CDH12: variants seen among roughly 807,000 people sequenced by gnomAD.
CDH12 encodes cadherin 12.
CDH12 carries 41 observed loss-of-function variants against 74.1 expected under a neutral mutation model. The observed-to-expected ratio is 0.55, with a 90% confidence interval of 0.43 to 0.72. The LOEUF is 0.72. Ranked by LOEUF, CDH12 falls within the 30% of genes least tolerant of loss-of-function variation. The pLI is 0.00. For missense variants in CDH12, 945 were observed against 977.2 expected, an observed-to-expected ratio of 0.97 and a Z score of 0.44; for synonymous variants, 399 against 355.0, an observed-to-expected ratio of 1.12 and a Z score of -1.39.
At chr5:22,510,649 G>C (rs1469550487) in intron 1 of CDH12, among the ~76,000 whole-genome samples, 7 of 151,980 alleles carry the variant, frequency 4.6e-5, no homozygotes, top group Admixed American at 6.6e-5. Flanking sequence ...CACATCTCCT[G>C]TATTCTTTAA....
chr5:21,785,741 A>T (rs1433711169), intron 10 of CDH12, among the ~76,000 whole-genome samples: 1 of 152,186 alleles, frequency 6.6e-6, no homozygotes, highest in Non-Finnish European at 1.5e-5. Flanking sequence ...TTGGTTCATG[A>T]GGTTTAAGGA....
At chr5:21,942,334 G>GTATATATATATATATATA (rs761850084) in intron 6 of CDH12, among the ~76,000 whole-genome samples, 88 of 107,006 alleles carry the variant, frequency 8.2e-4, no homozygotes, top group African/African-American at 3.6e-3. Flanking sequence ...GACAAATACA[G>GTATATATATATATATATA]TATATATATA....
chr5:21,802,600 T>C (rs960856419), intron 9 of CDH12, among the ~76,000 whole-genome samples, 180 bp from the exon 10 acceptor site: 4 of 145,696 alleles, frequency 2.7e-5, no homozygotes, highest in African/African-American at 1.0e-4. Flanking sequence ...TTTCTTTTTT[T>C]TTTTTTTTTG....
intron 1 of CDH12, among the ~76,000 whole-genome samples, chr5:22,609,192 A>C (rs1236805837): frequency 6.6e-6 from 1 of 152,176 alleles, no homozygotes; most frequent in African/African-American, 2.4e-5. Flanking sequence ...GTCTCATCTC[A>C]GTAAGGAATG....
At chr5:21,878,574 C>CGAAAA (rs1752059383) in intron 6 of CDH12, among the ~76,000 whole-genome samples, 1 of 119,752 alleles carries the variant, frequency 8.4e-6, no homozygotes, top group Non-Finnish European at 1.6e-5. Flanking sequence ...ACCAAAAATA[C>CGAAAA]AAAAAAAAAA....
At chr5:21,844,533 C>T (rs1355072598) in intron 7 of CDH12, among the ~76,000 whole-genome samples, 1 of 152,152 alleles carries the variant, frequency 6.6e-6, no homozygotes, top group Non-Finnish European at 1.5e-5. Context: ...ATTACACTAA[C>T]AGCAGGGCTA....
chr5:22,089,808 C>G (rs1299227207), intron 4 of CDH12, among the ~76,000 whole-genome samples: 1 of 151,488 alleles, frequency 6.6e-6, no homozygotes, highest in African/African-American at 2.4e-5. Context: ...CAAACAATGC[C>G]GTCTAAAATA....
chr5:22,500,797 G>A (rs1747299013), intron 2 of CDH12, among the ~76,000 whole-genome samples: 1 of 152,102 alleles, frequency 6.6e-6, no homozygotes, highest in African/African-American at 2.4e-5. Context: ...TTTCCCCAGA[G>A]CATCTACAAC....
intron 1 of CDH12, among the ~76,000 whole-genome samples, chr5:22,835,134 C>T (rs1207151882): frequency 6.6e-6 from 1 of 152,084 alleles, no homozygotes; most frequent in African/African-American, 2.4e-5. Flanking sequence ...TTTGTTAAAA[C>T]ATACACCTCT....
At chr5:21,913,472 C>T (rs1466005811) in intron 6 of CDH12, among the ~76,000 whole-genome samples, 2 of 152,058 alleles carry the variant, frequency 1.3e-5, no homozygotes, top group Non-Finnish European at 2.9e-5. Context: ...TAAAAGTAAA[C>T]AAGTTTCTGT....
intron 1 of CDH12, among the ~76,000 whole-genome samples, chr5:22,654,640 T>G (rs1376474201): frequency 6.7e-6 from 1 of 150,126 alleles, no homozygotes; most frequent in African/African-American, 2.4e-5. Context: ...TTTTTTTTGT[T>G]GTTGTTGTTG....
chr5:22,600,626 T>C (rs7734017), intron 1 of CDH12, among the ~76,000 whole-genome samples: 14 of 152,224 alleles, frequency 9.2e-5, no homozygotes, highest in African/African-American at 2.6e-4. Flanking sequence ...TAATTTTCCC[T>C]CCTCTTATAA....
chr5:22,033,174 TA>T (rs1357237813), intron 5 of CDH12, among the ~76,000 whole-genome samples: 2 of 152,142 alleles, frequency 1.3e-5, no homozygotes, highest in Non-Finnish European at 2.9e-5. Context: ...TGCACTGGAA[TA>T]CATACATTCT....
intron 4 of CDH12, among the ~76,000 whole-genome samples, chr5:22,151,595 T>A (rs1452976948): frequency 2.0e-5 from 3 of 152,124 alleles, no homozygotes; most frequent in Non-Finnish European, 4.4e-5. Flanking sequence ...AACAAGTAAT[T>A]CACAAATCAA....
In CDH12 at chr5:22,553,784, G is replaced by A. The variant is rs1226692994; in HGVS notation, c.-522-48420C>T. Among the ~76,000 whole-genome samples the A allele has an allele frequency of 2.6e-5, 4 of 152,012 alleles. No individual in the cohort carries two copies. In the East Asian group the frequency reaches 7.8e-4, roughly 29 times the overall value. On this transcript the variant is annotated intron_variant, in intron 1 of 14. Coordinates refer to ENST00000382254, the MANE Select transcript of CDH12 (RefSeq NM_004061.5). ...AGACAATTTTTCCACAGATAGGGTG[G>A]GAGGGATGGTTTCAGGATGAAACTG...
chr5:22,291,918 A>G (rs2150413666), intron 3 of CDH12, among the ~76,000 whole-genome samples: 1 of 152,292 alleles, frequency 6.6e-6, no homozygotes, highest in East Asian at 1.9e-4. Context: ...AAAAAGAACA[A>G]AGCTAGAGGC....
intron 6 of CDH12, among the ~76,000 whole-genome samples, chr5:21,953,632 A>G (rs946233943): frequency 2.0e-5 from 3 of 152,294 alleles, no homozygotes; most frequent in African/African-American, 7.2e-5. Context: ...TTTGTTTCCA[A>G]TTTTAGTTCT....
At chr5:22,207,234 A>AAAAAAAAG (rs1356914666) in intron 4 of CDH12, among the ~76,000 whole-genome samples, 4 of 151,778 alleles carry the variant, frequency 2.6e-5, no homozygotes, top group Non-Finnish European at 5.9e-5. Context: ...AAAAAAAGAA[A>AAAAAAAAG]AAAAAAAGAA....
At chr5:21,777,601 C>A (rs537589641) in intron 11 of CDH12, among the ~76,000 whole-genome samples, 1 of 151,548 alleles carries the variant, frequency 6.6e-6, no homozygotes, top group Non-Finnish European at 1.5e-5. Context: ...CGGCTCACTG[C>A]AACCTCCGCC....
Sources: gnomAD v4.1 joint callset for allele counts (sites outside exome capture counted in the v4.1 genomes callset) on GRCh38, gnomAD v4.1.1 for gene constraint, MANE v1.5 for transcripts, NCBI Gene and HGNC (gene_info 2026-07-23, HGNC 2026-07-21) for gene names.